NEGR1: variants seen among roughly 807,000 people sequenced by gnomAD.
The protein encoded by NEGR1 is IgLON family member 4.
NEGR1 carries 10 observed loss-of-function variants against 40.9 expected under a neutral mutation model. The ratio of observed to expected loss-of-function variants is 0.24; its 90% confidence interval spans 0.15 to 0.42. NEGR1 has a LOEUF of 0.42. NEGR1 is among the 10% of genes least tolerant of loss of function. The pLI is 1.00. For missense variants in NEGR1, 352 were observed against 438.9 expected, an observed-to-expected ratio of 0.80 and a Z score of 1.77; for synonymous variants, 185 against 166.8, an observed-to-expected ratio of 1.11 and a Z score of -0.84.
chr1:71,529,269 T>C (rs548060599), intron 6 of NEGR1, among the ~76,000 whole-genome samples: 9 of 151,406 alleles, frequency 5.9e-5, no homozygotes, highest in African/African-American at 2.2e-4. Context: ...TATATGAAGC[T>C]AAGTGAATAC....
At chr1:71,797,511 A>G (rs1393008664) in intron 2 of NEGR1, among the ~76,000 whole-genome samples, 2 of 152,176 alleles carry the variant, frequency 1.3e-5, no homozygotes, top group Admixed American at 1.3e-4. Context: ...ATGATCCTCT[A>G]TTTCCTTCTG....
At chr1:71,548,174 ATAT>A (rs1415856366) in intron 6 of NEGR1, among the ~76,000 whole-genome samples, 1 of 151,728 alleles carries the variant, frequency 6.6e-6, no homozygotes, top group African/African-American at 2.4e-5. Flanking sequence ...AGAAACGGAG[ATAT>A]TATGTTTGAT....
chr1:71,533,010 C>T (rs977793301), intron 6 of NEGR1, among the ~76,000 whole-genome samples: 2 of 151,550 alleles, frequency 1.3e-5, no homozygotes, highest in Non-Finnish European at 3.0e-5. Flanking sequence ...AACATATACA[C>T]AGATGGTCTT....
At chr1:71,958,032 T>G (rs1372477037) in intron 1 of NEGR1, among the ~76,000 whole-genome samples, 1 of 152,182 alleles carries the variant, frequency 6.6e-6, no homozygotes, top group Non-Finnish European at 1.5e-5. Flanking sequence ...CCATTATAAA[T>G]TACCTCTTTG....
At chr1:71,936,133 C>T (rs1645903765) in intron 1 of NEGR1, among the ~76,000 whole-genome samples, 1 of 152,122 alleles carries the variant, frequency 6.6e-6, no homozygotes, top group South Asian at 2.1e-4. Context: ...CTTGCATTTG[C>T]ACAGTGGTAA....
chr1:71,619,322 C>A (rs1403191008), intron 4 of NEGR1, among the ~76,000 whole-genome samples: 1 of 152,094 alleles, frequency 6.6e-6, no homozygotes, highest in African/African-American at 2.4e-5. Flanking sequence ...TACTACTACA[C>A]TCCCTCCATT....
rs1217232054 is a variant in NEGR1 at position 71,494,453 on chromosome 1, G to A, written c.941-86883C>T. The stretch of plus-strand genomic sequence containing the variant: ...CTCCACAGGAAGAAGACAGCCAGAA[G>A]CTGTGTATTTGGTCCTCTCTCAGAC... On this transcript the variant is annotated intron_variant, in intron 6 of 6. Transcript: ENST00000357731. Among the ~76,000 whole-genome samples the A allele has an allele frequency of 3.3e-5, 5 of 152,180 alleles. No individual in the cohort carries two copies. In the East Asian group the frequency reaches 9.6e-4, roughly 29 times the overall value.
intron 6 of NEGR1, among the ~76,000 whole-genome samples, chr1:71,498,235 A>G (rs1646977788): frequency 6.6e-6 from 1 of 151,626 alleles, no homozygotes; most frequent in Non-Finnish European, 1.5e-5. Flanking sequence ...AAGTGATAAT[A>G]TTGTAAAACA....
chr1:71,740,366 G>C (rs1655177300), intron 3 of NEGR1, among the ~76,000 whole-genome samples: 1 of 151,872 alleles, frequency 6.6e-6, no homozygotes, highest in African/African-American at 2.4e-5. Flanking sequence ...ATCTTATATG[G>C]TTGTTAGATA....
intron 6 of NEGR1, among the ~76,000 whole-genome samples, chr1:71,441,393 C>G (rs1646546374): frequency 6.6e-6 from 1 of 152,144 alleles, no homozygotes; most frequent in Non-Finnish European, 1.5e-5. Flanking sequence ...TGCCTCATGA[C>G]TTTGAATTAG....
At chr1:72,091,947 C>T (rs1569949534) in intron 1 of NEGR1, among the ~76,000 whole-genome samples, 1 of 152,078 alleles carries the variant, frequency 6.6e-6, no homozygotes, top group South Asian at 2.1e-4. Context: ...CCCATTGGAT[C>T]AGGGCCCTAT....
rs1288589528 is a variant in NEGR1, at chr1:72,048,794, C to T, written c.177-113483G>A. 3.3e-5 allele frequency among the ~76,000 whole-genome samples: 5 copies of T among 151,664 alleles called. No individual in the cohort carries two copies. In the South Asian group the frequency reaches 6.2e-4, roughly 19 times the overall value. On this transcript the variant is annotated intron_variant, in intron 1 of 6. Coordinates refer to ENST00000357731, the MANE Select transcript of NEGR1 (RefSeq NM_173808.3). Reference sequence around the variant, plus strand: ...TTCTGCCTTTAACATATTTTTGACACATTCTGAATAATTAAGTCAATTAAC... The same window carrying T: ...TTCTGCCTTTAACATATTTTTGACATATTCTGAATAATTAAGTCAATTAAC...
intron 1 of NEGR1, among the ~76,000 whole-genome samples, chr1:72,236,281 G>C (rs1249336821): frequency 6.6e-6 from 1 of 151,906 alleles, no homozygotes; most frequent in African/African-American, 2.4e-5. Context: ...GGGGACTTTT[G>C]AGGGGTGGGG....
intron 2 of NEGR1, among the ~76,000 whole-genome samples, chr1:71,861,849 A>G (rs13374762): frequency 6.6e-6 from 1 of 152,052 alleles, no homozygotes; most frequent in African/African-American, 2.4e-5. Flanking sequence ...GAACAGAATG[A>G]AACAGATTTC....
chr1:71,691,220 T>G (rs1437184766), intron 4 of NEGR1, among the ~76,000 whole-genome samples: 1 of 151,984 alleles, frequency 6.6e-6, no homozygotes, highest in Non-Finnish European at 1.5e-5. Context: ...AATTCATGTA[T>G]TCTTTAACTG....
At chr1:71,797,297 C>A (rs1657374318) in intron 2 of NEGR1, among the ~76,000 whole-genome samples, 1 of 152,052 alleles carries the variant, frequency 6.6e-6, no homozygotes, top group South Asian at 2.1e-4. Flanking sequence ...GGGTCTCAAC[C>A]CAATACTGTT....
chr1:72,061,555 C>A lies in NEGR1; in HGVS notation c.177-126244G>T, dbSNP rs116047504. 8.0e-3 allele frequency among the ~76,000 whole-genome samples: 1,216 copies of A among 151,852 alleles called. 14 individuals carry two copies. Among genetic ancestry groups the A allele is most frequent in the Non-Finnish European group, 0.012 (804 of 67,856 alleles). On this transcript the variant is annotated intron_variant, in intron 1 of 6. Coordinates refer to ENST00000357731, the MANE Select transcript of NEGR1 (RefSeq NM_173808.3). ...CCAGCACTTAGCATAATATCTAACA[C>A]ATGCAGATAATCCATATAGATTAAT...
intron 1 of NEGR1, among the ~76,000 whole-genome samples, chr1:72,196,359 T>C (rs750511729): frequency 1.3e-5 from 2 of 152,142 alleles, no homozygotes; most frequent in Non-Finnish European, 2.9e-5. Flanking sequence ...CAACATGAAT[T>C]TGTTTTAGGT....
Position 71,611,261 on chromosome 1 carries a change from T to C in NEGR1, c.668-115A>G, listed in dbSNP as rs532465511. ...ATATTCAAAGCAATCTTATGCCTGA[T>C]AGACCAACGCATCACATTTTCAGTG... On this transcript the variant is annotated intron_variant, in intron 4 of 6. Coordinates refer to ENST00000357731, the MANE Select transcript of NEGR1 (RefSeq NM_173808.3). 4 of 876,510 alleles carry C rather than the reference T, an allele frequency of 4.6e-6. No individual in the cohort carries two copies. In the South Asian group the frequency reaches 5.0e-5, roughly 11 times the overall value. The allele number at this position is 876,510 out of a possible 1,614,324, so 54.3% of individuals were successfully genotyped here.
Sources: allele counts gnomAD v4.1 joint callset (sites outside exome capture counted in the v4.1 genomes callset), GRCh38; gene constraint gnomAD v4.1.1; transcripts MANE v1.5; gene names NCBI Gene and HGNC (gene_info 2026-07-23, HGNC 2026-07-21).